Variants in CACNA1B observed in about 807,000 individuals in gnomAD.
CACNA1B encodes the protein calcium voltage-gated channel subunit alpha1 B.
A neutral mutation model predicts 247.2 loss-of-function variants in CACNA1B; 70 were observed. That is an observed-to-expected ratio of 0.28 (90% confidence interval 0.23 to 0.35). The LOEUF (loss-of-function observed/expected upper bound fraction) is 0.35, where lower values mean the gene tolerates loss of function less well. Ranked by LOEUF, CACNA1B falls within the 10% of genes least tolerant of loss-of-function variation. The pLI is 1.00. For synonymous variants in CACNA1B, 1,231 were observed against 1,294.4 expected, an observed-to-expected ratio of 0.95 and a Z score of 1.05; for missense variants, 2,367 against 3,197.4, an observed-to-expected ratio of 0.74 and a Z score of 6.26.
rs1425097795 is a variant in CACNA1B at position 138,102,017 on chromosome 9, C to T, written c.5223-694C>T. On this transcript the variant is annotated intron_variant, in intron 37 of 46. Transcript: ENST00000371372. This position sits in a 1 kb window ranked among gnomAD's most constrained non-coding sequence, Gnocchi z 5.4. ...CCCAGGCCATGTCCTGCCAGCTCCT[C>T]CCCCCTCCCGCAGTCTCCCATTTCC... 2.6e-5 allele frequency among the ~76,000 whole-genome samples: 4 copies of T among 152,202 alleles called. No individual in the cohort carries two copies. The highest frequency in any genetic ancestry group is 1.5e-5 in the Non-Finnish European group (1 of 68,030).
intron 6 of CACNA1B, among the ~76,000 whole-genome samples, chr9:137,920,728 A>G (rs1957467947): frequency 6.6e-6 from 1 of 152,220 alleles, no homozygotes; most frequent in Admixed American, 6.5e-5. Context: ...AGTTCCGTGA[A>G]GATCCAAGTT....
intron 10 of CACNA1B, among the ~76,000 whole-genome samples, chr9:137,968,596 CACTT>C (rs1462107222): frequency 5.9e-5 from 9 of 152,352 alleles, no homozygotes; most frequent in Non-Finnish European, 1.0e-4. Flanking sequence ...TGGAAGGAAA[CACTT>C]TCTTGTCTGT....
At chr9:138,117,524 A>G (rs952232059) in intron 42 of CACNA1B, among the ~76,000 whole-genome samples, 1 of 152,186 alleles carries the variant, frequency 6.6e-6, no homozygotes, top group African/African-American at 2.4e-5. Flanking sequence ...CAGGCTGTAC[A>G]CATGCGGCCC....
rs1373811087 is a variant in CACNA1B at position 137,882,608 on chromosome 9, G to GGGCAAGGTT, written c.391-128_391-127insTGGCAAGGT. The GGGCAAGGTT allele has an allele frequency of 1.1e-6, 1 of 934,314 alleles. No homozygotes were observed. The highest frequency in any genetic ancestry group is 1.6e-5 in the African/African-American group (1 of 60,990). 57.9% of individuals were successfully genotyped at this position (934,314 alleles called of 1,614,324 possible). A position where few individuals can be genotyped will look rare whatever the true frequency, so the allele number is the denominator to read the frequency against. On this transcript the variant is annotated intron_variant, in intron 2 of 46. Coordinates refer to ENST00000371372, the MANE Select transcript of CACNA1B (RefSeq NM_000718.4). The surrounding 1 kb of genome is among the most constrained non-coding windows in gnomAD (Gnocchi z 4.0). ...CCTTGGAGAATCTGCAGGGTGTTGG[G>GGGCAAGGTT]GGCAAGGTGAGGAGGGTCAGACCCT...
In CACNA1B at chr9:137,902,682, G is replaced by A. The variant is rs115132743; in HGVS notation, c.531-10498G>A. On this transcript the variant is annotated intron_variant, in intron 3 of 46. Coordinates refer to ENST00000371372, the MANE Select transcript of CACNA1B (RefSeq NM_000718.4). The stretch of plus-strand genomic sequence containing the variant: ...GTGATATCCACTGTTAATATTTTGA[G>A]CTATTTCCTTCCTTCCAAGCTTTTT... Among the ~76,000 whole-genome samples, 1,152 of 152,238 alleles carry A rather than the reference G, an allele frequency of 7.6e-3. 9 individuals carry two copies. Among genetic ancestry groups the A allele is most frequent in the African/African-American group, 0.027 (1,109 of 41,522 alleles).
intron 3 of CACNA1B, among the ~76,000 whole-genome samples, chr9:137,893,742 TG>T (rs1416170561): frequency 6.6e-6 from 1 of 152,178 alleles, no homozygotes; most frequent in Non-Finnish European, 1.5e-5. Flanking sequence ...TTGTAATAAA[TG>T]GTATAGAGAG....
chr9:138,023,259 C>T lies in CACNA1B; in HGVS notation c.2516C>T (p.Ala839Val). Residue 839 changes from alanine (A) to valine (V), a missense_variant, in exon 19 of 47, where the codon GCG becomes GTG. By Grantham distance (64) the Ala-to-Val change is moderately conservative. Transcript: ENST00000371372. Reference sequence around the variant, plus strand: ...GGAGGCAAAGCCCGACCTGAGGCTGCGGAGGCCCCCGAGGGCGTCGACCCT... The same window carrying T: ...GGAGGCAAAGCCCGACCTGAGGCTGTGGAGGCCCCCGAGGGCGTCGACCCT... ...PVGGKARPEA[A>V]EAPEGVDPPR... 2 of 1,514,104 alleles carry T rather than the reference C, an allele frequency of 1.3e-6. No homozygotes were observed. Among genetic ancestry groups the T allele is most frequent in the South Asian group, 1.2e-5 (1 of 81,382 alleles). 93.8% of individuals were successfully genotyped at this position (1,514,104 alleles called of 1,614,324 possible). A position where few individuals can be genotyped will look rare whatever the true frequency, so the allele number is the denominator to read the frequency against.
chr9:137,903,179 C>T (rs1000926758), intron 3 of CACNA1B, among the ~76,000 whole-genome samples: 1 of 152,000 alleles, frequency 6.6e-6, no homozygotes. Flanking sequence ...GTCAAGAGAT[C>T]GAGACCATTA....
Position 138,120,897 on chromosome 9 carries a change from GGA to G in CACNA1B, c.6489+20_6489+21del. 2 of 1,554,398 alleles carry G rather than the reference GGA, an allele frequency of 1.3e-6. No individual in the cohort carries two copies. Among genetic ancestry groups the G allele is most frequent in the Non-Finnish European group, 1.7e-6 (2 of 1,150,716 alleles). On this transcript the variant is annotated intron_variant, in intron 46 of 46. Coordinates refer to ENST00000371372, the MANE Select transcript of CACNA1B (RefSeq NM_000718.4). ...CCACCCACAGGTAAGAGGAATAGGT[GGA>G]GAGGTCAGGGCCCAGCTGCCTCTCC...
intron 6 of CACNA1B, among the ~76,000 whole-genome samples, chr9:137,931,163 G>A (rs1957602972): frequency 6.6e-6 from 1 of 152,148 alleles, no homozygotes; most frequent in Admixed American, 6.5e-5. Flanking sequence ...AGCAACAAAG[G>A]AATGAAGAAA....
chr9:138,027,095 C>T (rs185106923), intron 20 of CACNA1B, among the ~76,000 whole-genome samples: 18 of 152,226 alleles, frequency 1.2e-4, no homozygotes, highest in African/African-American at 4.1e-4. Context: ...AAATCTTTTA[C>T]CCACTTTTTA....
Position 138,074,040 on chromosome 9 carries a change from T to C in CACNA1B, c.4831T>C (p.Phe1611Leu), listed in dbSNP as rs199875942. ...YVCLLIAMLF[F>L]IYAIIGMQVF... ...GTGTCTGCTCATTGCCATGCTGTTC[T>C]TCATCTACGCCATCATCGGCATGCA... Residue 1611 changes from phenylalanine (F) to leucine (L), a missense_variant, in exon 34 of 47, where the codon TTC (phenylalanine) becomes CTC (leucine). Around this residue, in one of 12 missense-constraint regions of CACNA1B, gnomAD observed 436 missense variants for 679.5 expected, o/e 0.64. Transcript: ENST00000371372. 6.2e-7 allele frequency: 1 copy of C among 1,612,904 alleles called. No homozygotes were observed. The highest frequency in any genetic ancestry group is 8.5e-7 in the Non-Finnish European group (1 of 1,179,818).
intron 12 of CACNA1B, among the ~76,000 whole-genome samples, chr9:137,980,482 A>G (rs1041845535): frequency 6.6e-6 from 1 of 152,212 alleles, no homozygotes; most frequent in Non-Finnish European, 1.5e-5. Context: ...CCTTGGCTTC[A>G]TCTTTAGACC....
intron 3 of CACNA1B, among the ~76,000 whole-genome samples, chr9:137,887,096 G>A (rs1588979773): frequency 6.6e-6 from 1 of 151,840 alleles, no homozygotes; most frequent in East Asian, 2.0e-4. Context: ...AGCTGGCGGT[G>A]AGGTTGGCGG....
At chr9:138,049,450 A>G in intron 24 of CACNA1B, 135 bp downstream of exon 24, 1 of 692,328 alleles carries the variant, frequency 1.4e-6, no homozygotes. Context: ...TCCATGTGGG[A>G]CTGTCCCTGC....
At position 137,971,657 on chromosome 9, in the gene CACNA1B, G is replaced by A. The variant is rs1311301873; in HGVS notation, c.1543+65G>A. The A allele has an allele frequency of 1.4e-6, 2 of 1,406,922 alleles. No individual in the cohort carries two copies. The highest frequency in any genetic ancestry group is 2.8e-5 in the African/African-American group (2 of 70,742). 87.2% of individuals were successfully genotyped at this position (1,406,922 alleles called of 1,614,324 possible). On this transcript the variant is annotated intron_variant, in intron 11 of 46. Transcript: ENST00000371372. The surrounding 1 kb of genome is among the most constrained non-coding windows in gnomAD (Gnocchi z 4.4). ...TCTCTGCTCTCAGTCTGGAAACCCTGGTCCATGCCCTGGGGCTACCCCAGG... is the reference window on the plus strand; with the variant it reads ...TCTCTGCTCTCAGTCTGGAAACCCTAGTCCATGCCCTGGGGCTACCCCAGG...
intron 12 of CACNA1B, among the ~76,000 whole-genome samples, chr9:137,979,798 C>A (rs1292801623): frequency 6.6e-6 from 1 of 152,188 alleles, no homozygotes; most frequent in East Asian, 1.9e-4. Context: ...GGCTGCGGTA[C>A]CTCTTAATCT....
chr9:138,059,702 G>A lies in CACNA1B; in HGVS notation c.4633G>A (p.Gly1545Arg). The change falls in exon 31 of 47, where the codon GGA becomes AGA. Residue 1545 changes from glycine (G) to arginine (R), a missense_variant. By Grantham distance (125) the Gly-to-Arg change is moderately radical. Coordinates refer to ENST00000371372, the MANE Select transcript of CACNA1B (RefSeq NM_000718.4). The surrounding 1 kb of genome is among the most constrained non-coding windows in gnomAD (Gnocchi z 4.2). ...TGTCTTTGACTTTGTCACTGTGTTG[G>A]GAAGTATTACTGATATTTTAGTAAC... ...WNVFDFVTVLGSITDILVTEI... is the reference protein window; with the variant it reads ...WNVFDFVTVLRSITDILVTEI... The A allele has an allele frequency of 6.2e-7, 1 of 1,608,424 alleles. No individual in the cohort carries two copies. Among genetic ancestry groups the A allele is most frequent in the Non-Finnish European group, 8.5e-7 (1 of 1,174,832 alleles).
At chr9:138,114,602 C>G in intron 41 of CACNA1B, 112 bp downstream of exon 41, 1 of 625,206 alleles carries the variant, frequency 1.6e-6, no homozygotes, top group South Asian at 1.9e-5. Context: ...AAAAGTATCT[C>G]AGAAGGAAGA....
Sources: gnomAD v4.1 joint callset for allele counts (sites outside exome capture counted in the v4.1 genomes callset) on GRCh38, gnomAD v4.1.1 for gene constraint, gnomAD v4.1.1 regional missense constraint, Gnocchi (gnomAD v3.1) non-coding constraint, MANE v1.5 for transcripts, NCBI Gene and HGNC (gene_info 2026-07-23, HGNC 2026-07-21) for gene names.